The following PRDM16 variants were observed in gnomAD, a reference collection of about 807,000 sequenced individuals.
PRDM16 encodes the protein histone-lysine N-methyltransferase PRDM16.
A neutral mutation model predicts 110.6 loss-of-function variants in PRDM16; 23 were observed. The observed-to-expected ratio is 0.21, with a 90% CI of 0.15 to 0.29. The LOEUF (loss-of-function observed/expected upper bound fraction) is 0.29, where lower values mean the gene tolerates loss of function less well. Ranked by LOEUF, PRDM16 falls within the 10% of genes least tolerant of loss-of-function variation. The pLI is 1.00. For missense variants in PRDM16, 1,615 were observed against 1,794.3 expected, an observed-to-expected ratio of 0.90 and a Z score of 1.81; for synonymous variants, 799 against 781.8, an observed-to-expected ratio of 1.02 and a Z score of -0.37.
chr1:3,109,084 A>AATAATG (rs1377768195), intron 1 of PRDM16, among the ~76,000 whole-genome samples: 16 of 35,822 alleles, frequency 4.5e-4, no homozygotes, highest in Non-Finnish European at 5.3e-4. Flanking sequence ...TCCATCTCAA[A>AATAATG]ATAATAATAA....
At chr1:3,122,142 C>G (rs1259573992) in intron 1 of PRDM16, among the ~76,000 whole-genome samples, 1 of 152,178 alleles carries the variant, frequency 6.6e-6, no homozygotes, top group Non-Finnish European at 1.5e-5. Context: ...ACACAGACAG[C>G]CGGGCTGTGT....
rs149268287 is a variant in PRDM16 at position 3,133,963 on chromosome 1, T to G, written c.38-52162T>G. 2.6e-3 allele frequency among the ~76,000 whole-genome samples: 396 copies of G among 152,156 alleles called. 6 individuals carry two copies. The highest frequency in any genetic ancestry group is 2.3e-3 in the Non-Finnish European group (155 of 68,008). ...AGAGCAGCCCCAAAGCACACACGTG[T>G]GAGAAGGAGGCTAGAGTTTTACTTT... On this transcript the variant is annotated intron_variant, in intron 1 of 16. Transcript: ENST00000270722.
rs1218287883 is a variant in PRDM16, at chr1:3,080,915, C to G, written c.37+11619C>G. Among the ~76,000 whole-genome samples, 1 of 151,832 alleles carries G rather than the reference C, an allele frequency of 6.6e-6. No homozygotes were observed. The highest frequency in any genetic ancestry group is 1.5e-5 in the Non-Finnish European group (1 of 67,950). On this transcript the variant is annotated intron_variant, in intron 1 of 16. Coordinates refer to ENST00000270722, the MANE Select transcript of PRDM16 (RefSeq NM_022114.4). The surrounding 1 kb of genome is among the most constrained non-coding windows in gnomAD (Gnocchi z 5.2). ...CGAGCACCCAACGCTTCCCGGAGAGCTTGTGTGCCTGAGAGTGTGTGTGTG... is the reference window on the plus strand; with the variant it reads ...CGAGCACCCAACGCTTCCCGGAGAGGTTGTGTGCCTGAGAGTGTGTGTGTG...
Position 3,138,548 on chromosome 1 carries a change from C to T in PRDM16, c.38-47577C>T, listed in dbSNP as rs137921592. 2.1e-3 allele frequency among the ~76,000 whole-genome samples: 317 copies of T among 152,356 alleles called. 2 individuals are homozygous for T. Among genetic ancestry groups the T allele is most frequent in the Non-Finnish European group, 3.5e-3 (237 of 68,038 alleles). ...CTCACCTTCTGCTGCCGGTGACATA[C>T]CTGCCCTCACCTGGTACTTGGAGGT... On this transcript the variant is annotated intron_variant, in intron 1 of 16. Coordinates refer to ENST00000270722, the MANE Select transcript of PRDM16 (RefSeq NM_022114.4).
At position 3,215,230 on chromosome 1, in the gene PRDM16, A is replaced by G. The variant is rs148698507; in HGVS notation, c.387+28756A>G. Among the ~76,000 whole-genome samples, 31 of 152,222 alleles carry G rather than the reference A, an allele frequency of 2.0e-4. No homozygotes were observed. The East Asian group carries it at 5.8e-3, about 28-fold the overall frequency. On this transcript the variant is annotated intron_variant, in intron 2 of 16. Coordinates refer to ENST00000270722, the MANE Select transcript of PRDM16 (RefSeq NM_022114.4). ...TGCTAAGGAATCTGTCATTCAATAA[A>G]CAGGATCAGATGGCACAGAACAGAG...
intron 3 of PRDM16, among the ~76,000 whole-genome samples, chr1:3,352,654 G>A (rs1027104608): frequency 3.9e-5 from 6 of 152,232 alleles, no homozygotes; most frequent in Admixed American, 6.5e-5. Flanking sequence ...CGCTGGAATC[G>A]CCTAATGCAC....
At chr1:3,171,882 T>A (rs182577413) in intron 1 of PRDM16, among the ~76,000 whole-genome samples, 225 of 152,030 alleles carry the variant, frequency 1.5e-3, no homozygotes, top group Non-Finnish European at 2.4e-3. Context: ...ATCAGGCGCC[T>A]CCCGAGCACA....
At chr1:3,112,848 G>A (rs1019518568) in intron 1 of PRDM16, among the ~76,000 whole-genome samples, 5 of 152,360 alleles carry the variant, frequency 3.3e-5, no homozygotes, top group Admixed American at 6.5e-5. Flanking sequence ...CCGAGGGCCC[G>A]CCTGGGCTCC....
chr1:3,074,154 G>A (rs1268410953), intron 1 of PRDM16, among the ~76,000 whole-genome samples: 2 of 152,170 alleles, frequency 1.3e-5, no homozygotes, highest in African/African-American at 2.4e-5. Flanking sequence ...GAGACGGGCC[G>A]GGCTCCCTAG....
intron 3 of PRDM16, among the ~76,000 whole-genome samples, chr1:3,267,036 A>G (rs1325724900): frequency 1.3e-5 from 2 of 152,182 alleles, no homozygotes; most frequent in South Asian, 2.1e-4. Flanking sequence ...TGAAATGTAC[A>G]AAACGTATAA....
chr1:3,412,755 TC>T lies in PRDM16; in HGVS notation c.2560del (p.His854ThrfsTer17). The T allele has an allele frequency of 6.7e-7, 1 of 1,500,502 alleles. No homozygotes were observed. The highest frequency in any genetic ancestry group is 8.9e-7 in the Non-Finnish European group (1 of 1,125,862). The allele number at this position is 1,500,502 out of a possible 1,614,324, so 92.9% of individuals were successfully genotyped here. ...CPARMPQQPP[L>X]HYAKPSPFFM... ...GCGCGGATGCCCCAGCAGCCCCCGCTCCACTACGCCAAGCCCTCGCCCTTCT... is the reference window on the plus strand; with the variant it reads ...GCGCGGATGCCCCAGCAGCCCCCGCTCACTACGCCAAGCCCTCGCCCTTCT... On this transcript the variant is annotated frameshift_variant, in exon 9 of 17. Transcript: ENST00000270722. LOFTEE classifies it high-confidence loss of function.
intron 1 of PRDM16, among the ~76,000 whole-genome samples, chr1:3,162,638 G>A (rs1165053674): frequency 6.6e-6 from 1 of 152,256 alleles, no homozygotes; most frequent in African/African-American, 2.4e-5. Context: ...ACAGCGGCGA[G>A]CCCGTGCGCC....
rs1026918017 is a variant in PRDM16 at position 3,390,800 on chromosome 1, T to C, written c.573+5514T>C. Among the ~76,000 whole-genome samples the C allele has an allele frequency of 6.6e-5, 10 of 151,808 alleles. No homozygotes were observed. Among genetic ancestry groups the C allele is most frequent in the African/African-American group, 2.4e-4 (10 of 41,324 alleles). The stretch of plus-strand genomic sequence containing the variant: ...TTGTTCTGCCCCGACCCCAGACATG[T>C]TCATATTCCCTTTGCTTTTATCTCT... On this transcript the variant is annotated intron_variant, in intron 4 of 16. Coordinates refer to ENST00000270722, the MANE Select transcript of PRDM16 (RefSeq NM_022114.4). This position sits in a 1 kb window ranked among gnomAD's most constrained non-coding sequence, Gnocchi z 5.0.
At position 3,417,679 on chromosome 1, in the gene PRDM16, G is replaced by C. The variant is rs2100675489; in HGVS notation, c.2692-149G>C. ...CAGAAAGGTGAAAAAATCCAACCCA[G>C]GGTCCAAGAAAATACTAGGAGACCA... On this transcript the variant is annotated intron_variant, in intron 10 of 16. Transcript: ENST00000270722. 26 of 724,606 alleles carry C rather than the reference G, an allele frequency of 3.6e-5. 2 individuals carry two copies. In the South Asian group the frequency reaches 4.1e-4, roughly 11 times the overall value. 44.9% of individuals were successfully genotyped at this position (724,606 alleles called of 1,614,324 possible).
At chr1:3,302,724 A>G (rs1557592657) in intron 3 of PRDM16, among the ~76,000 whole-genome samples, 1 of 152,214 alleles carries the variant, frequency 6.6e-6, no homozygotes, top group Non-Finnish European at 1.5e-5. Flanking sequence ...AAACAGTGAA[A>G]TCGGCCACAA....
intron 1 of PRDM16, among the ~76,000 whole-genome samples, chr1:3,138,228 C>T (rs1039675112): frequency 5.3e-5 from 8 of 152,222 alleles, no homozygotes; most frequent in Non-Finnish European, 1.2e-4. Context: ...AGCGCAACCA[C>T]GGGGTGTGGC....
intron 1 of PRDM16, among the ~76,000 whole-genome samples, chr1:3,145,530 C>T (rs1046525412): frequency 5.3e-5 from 8 of 152,178 alleles, no homozygotes; most frequent in Admixed American, 1.3e-4. Flanking sequence ...GGGCTTCTCC[C>T]GAGAGTCCCC....
chr1:3,263,938 C>T lies in PRDM16; in HGVS notation c.438+19801C>T, dbSNP rs564509194. Among the ~76,000 whole-genome samples the T allele has an allele frequency of 2.2e-3, 337 of 152,260 alleles. 3 individuals carry two copies. Among genetic ancestry groups the T allele is most frequent in the African/African-American group, 7.8e-3 (324 of 41,544 alleles). On this transcript the variant is annotated intron_variant, in intron 3 of 16. Transcript: ENST00000270722. ...TCTTGGAGCCTCCTGTACGGGCACT[C>T]GCCCTCTCTGTGACCCCCACTTCAT...
Position 3,186,185 on chromosome 1 carries a change from G to A in PRDM16, c.98G>A (p.Ser33Asn). 1 of 1,612,904 alleles carries A rather than the reference G, an allele frequency of 6.2e-7. No homozygotes were observed. Among genetic ancestry groups the A allele is most frequent in the Admixed American group, 1.7e-5 (1 of 60,026 alleles). Residue 33 changes from serine (S) to asparagine (N), a missense_variant, in exon 2 of 17, where the codon AGC becomes AAC. By Grantham distance (46) the Ser-to-Asn change is conservative. Transcript: ENST00000270722. ...AACCGGGACCTGCTGGCCAGCCACA[G>A]CGCGGAGGACGAGGCCGAGGACAGT... ...EPNRDLLASHSAEDEAEDSAM... is the reference protein window; with the variant it reads ...EPNRDLLASHNAEDEAEDSAM...
Sources: allele counts gnomAD v4.1 joint callset (sites outside exome capture counted in the v4.1 genomes callset), GRCh38; gene constraint gnomAD v4.1.1; non-coding constraint Gnocchi (gnomAD v3.1); transcripts MANE v1.5; gene names NCBI Gene and HGNC (gene_info 2026-07-23, HGNC 2026-07-21).